GLI3: variants seen among roughly 807,000 people sequenced by gnomAD.
GLI3 encodes the protein transcription activator GLI3.
A neutral mutation model predicts 100.8 loss-of-function variants in GLI3; 20 were observed. The ratio of observed to expected loss-of-function variants is 0.20; its 90% confidence interval spans 0.14 to 0.29. The LOEUF is 0.29. Ranked by LOEUF, GLI3 falls within the 10% of genes least tolerant of loss-of-function variation. The pLI, the probability that GLI3 is intolerant of heterozygous loss-of-function variation, is 1.00. For synonymous variants in GLI3, 938 were observed against 860.5 expected (o/e 1.09, Z -1.58); for missense variants, 2,040 against 2,128.5 (o/e 0.96, Z 0.82).
chr7:42,156,065 A>C (rs997389697), intron 2 of GLI3, among the ~76,000 whole-genome samples: 2 of 152,182 alleles, frequency 1.3e-5, no homozygotes, highest in African/African-American at 4.8e-5. Context: ...ACAGGCACTT[A>C]AGTGCAAGCA....
chr7:42,237,927 G>GT, upstream of GLI3: 1 of 147,778 alleles, frequency 6.8e-6, no homozygotes, highest in East Asian at 2.1e-4. Flanking sequence ...GTCGGGGGCT[G>GT]GGGGGGAGCC....
chr7:42,190,142 A>T (rs1480920624), intron 2 of GLI3, among the ~76,000 whole-genome samples: 1 of 23,582 alleles, frequency 4.2e-5, no homozygotes, highest in Non-Finnish European at 9.9e-5. Context: ...CTTACTGTCA[A>T]AAAAAAAAAA....
intron 7 of GLI3, among the ~76,000 whole-genome samples, chr7:42,031,015 A>C (rs1206019043): frequency 1.2e-5 from 1 of 85,296 alleles, no homozygotes; most frequent in Non-Finnish European, 2.2e-5. Context: ...CACCACACCC[A>C]GGCATAGTTG....
intron 7 of GLI3, among the ~76,000 whole-genome samples, chr7:42,028,797 T>TAAA (rs1554315535): frequency 7.3e-6 from 1 of 136,758 alleles, no homozygotes; most frequent in South Asian, 2.3e-4. Context: ...ATAATAATAA[T>TAAA]AAATAAAAAT....
At chr7:42,206,384 G>T (rs1380165073) in intron 2 of GLI3, among the ~76,000 whole-genome samples, 2 of 151,884 alleles carry the variant, frequency 1.3e-5, no homozygotes, top group Non-Finnish European at 2.9e-5. Context: ...CGCCACACAG[G>T]TTTAATACAT....
intron 10 of GLI3, among the ~76,000 whole-genome samples, chr7:41,997,712 G>A (rs1788166352): frequency 6.6e-6 from 1 of 152,182 alleles, no homozygotes; most frequent in Non-Finnish European, 1.5e-5. Context: ...CTTCTGGACT[G>A]CTTCCTGAGT....
In GLI3 at chr7:42,210,353, C is replaced by CAG. The variant is rs796556613; in HGVS notation, c.124+12776_124+12777insCT. ...AAAAATGAAAGCCCCCCCCCCCCCC[C>CAG]CAAGTTAAAATAAGGTACAAAGTTA... On this transcript the variant is annotated intron_variant, in intron 2 of 14. Coordinates refer to ENST00000395925, the MANE Select transcript of GLI3 (RefSeq NM_000168.6). 3.8e-5 allele frequency among the ~76,000 whole-genome samples: 4 copies of CAG among 105,168 alleles called. No individual in the cohort carries two copies. In the East Asian group the frequency reaches 7.4e-4, roughly 19 times the overall value. The allele number at this position is 105,168 out of a possible 152,430, so 69.0% of individuals were successfully genotyped here.
chr7:42,030,186 G>T (rs926877893), intron 7 of GLI3, among the ~76,000 whole-genome samples: 1 of 151,984 alleles, frequency 6.6e-6, no homozygotes, highest in Non-Finnish European at 1.5e-5. Context: ...ACATCACTCA[G>T]GCCTCCTCCT....
intron 3 of GLI3, among the ~76,000 whole-genome samples, chr7:42,138,646 C>T (rs1222512034): frequency 6.6e-6 from 1 of 152,150 alleles, no homozygotes; most frequent in Non-Finnish European, 1.5e-5. Context: ...TGAAATCTTG[C>T]CCCATTTGAA....
chr7:42,240,234 T>A (rs570269924), upstream of GLI3, among the ~76,000 whole-genome samples: 4 of 152,352 alleles, frequency 2.6e-5, no homozygotes, highest in South Asian at 8.3e-4. Context: ...TCTTTTCAAA[T>A]GCAGATATCT....
At chr7:42,124,904 C>T (rs559271008) in intron 3 of GLI3, among the ~76,000 whole-genome samples, 38 of 152,184 alleles carry the variant, frequency 2.5e-4, no homozygotes, top group Admixed American at 7.9e-4. Context: ...TTGATTTGCT[C>T]GCTCAAAGAA....
chr7:42,232,361 T>C (rs10279985), intron 1 of GLI3, among the ~76,000 whole-genome samples: 131,563 of 152,200 alleles, frequency 0.86, 56,906 homozygotes, highest in Middle Eastern at 0.94. Flanking sequence ...TCAAACCCAG[T>C]CAAGCGGAAA....
chr7:41,995,469 G>A (rs1330643558), intron 10 of GLI3, among the ~76,000 whole-genome samples: 1 of 152,012 alleles, frequency 6.6e-6, no homozygotes, highest in Non-Finnish European at 1.5e-5. Context: ...TCCCACAGGA[G>A]GGTTTTCCTG....
chr7:41,993,221 A>C (rs1236049255), intron 10 of GLI3, among the ~76,000 whole-genome samples: 2 of 152,142 alleles, frequency 1.3e-5, no homozygotes, highest in Admixed American at 6.5e-5. Context: ...CCCTGAAACA[A>C]GGGAGACAGA....
chr7:42,101,262 G>A (rs775748837), intron 3 of GLI3, among the ~76,000 whole-genome samples: 2 of 152,138 alleles, frequency 1.3e-5, no homozygotes, highest in Non-Finnish European at 1.5e-5. Flanking sequence ...TTCCTTTGCA[G>A]AATTAACTTC....
intron 10 of GLI3, among the ~76,000 whole-genome samples, chr7:41,993,724 GCCAATGTGGTC>G (rs765261897): frequency 4.6e-5 from 7 of 152,186 alleles, no homozygotes; most frequent in Admixed American, 2.6e-4. Flanking sequence ...AAGCTTTGGA[GCCAATGTGGTC>G]CCAGGCCTCA....
chr7:42,176,473 G>A (rs1247660756), intron 2 of GLI3, among the ~76,000 whole-genome samples: 1 of 151,966 alleles, frequency 6.6e-6, no homozygotes, highest in Non-Finnish European at 1.5e-5. Flanking sequence ...TGTTCCTTCT[G>A]CAGTCAGAAG....
intron 7 of GLI3, 103 bp downstream of exon 7, chr7:42,039,935 T>A: frequency 1.1e-6 from 1 of 883,034 alleles, no homozygotes; most frequent in East Asian, 2.4e-5. Context: ...GCACTTTTAT[T>A]CTTCCTCATA....
intron 7 of GLI3, among the ~76,000 whole-genome samples, chr7:42,039,760 C>T (rs924554905): frequency 6.6e-6 from 1 of 152,234 alleles, no homozygotes; most frequent in African/African-American, 2.4e-5. Context: ...ATTTGCCCTA[C>T]TTACTGTCTC....
Sources: gnomAD v4.1 joint callset for allele counts (sites outside exome capture counted in the v4.1 genomes callset) on GRCh38, gnomAD v4.1.1 for gene constraint, MANE v1.5 for transcripts, NCBI Gene and HGNC (gene_info 2026-07-23, HGNC 2026-07-21) for gene names.